Variants in ATXN7L1 observed in about 807,000 individuals in gnomAD.
ATXN7L1 encodes the protein ataxin-7-like protein 1.
A neutral mutation model predicts 70.8 loss-of-function variants in ATXN7L1; 15 were observed. The observed-to-expected ratio is 0.21, with a 90% CI of 0.14 to 0.33. The LOEUF (loss-of-function observed/expected upper bound fraction) is 0.33, where lower values mean the gene tolerates loss of function less well. ATXN7L1 is among the 10% of genes least tolerant of loss of function. The pLI is 1.00. For missense variants in ATXN7L1, 975 were observed against 1,097.1 expected, an observed-to-expected ratio of 0.89 and a Z score of 1.57; for synonymous variants, 440 against 445.1, an observed-to-expected ratio of 0.99 and a Z score of 0.14.
At chr7:105,852,184 C>A (rs1392782083) in intron 2 of ATXN7L1, among the ~76,000 whole-genome samples, 2 of 152,124 alleles carry the variant, frequency 1.3e-5, no homozygotes, top group East Asian at 1.9e-4. Context: ...TTTGCCAGTT[C>A]TTTATTGACA....
At chr7:105,756,044 T>A (rs546387163) in intron 3 of ATXN7L1, among the ~76,000 whole-genome samples, 1 of 152,316 alleles carries the variant, frequency 6.6e-6, no homozygotes, top group African/African-American at 2.4e-5. Context: ...CACGCGTGTA[T>A]CGTCAGAGGC....
chr7:105,752,137 C>T (rs1461574263), intron 3 of ATXN7L1, among the ~76,000 whole-genome samples: 3 of 152,208 alleles, frequency 2.0e-5, no homozygotes, highest in African/African-American at 2.4e-5. Context: ...GACAGGCAGT[C>T]GGGAAGAACA....
chr7:105,820,598 T>C (rs777045403), intron 2 of ATXN7L1, among the ~76,000 whole-genome samples: 51 of 152,072 alleles, frequency 3.4e-4, no homozygotes, highest in Non-Finnish European at 5.9e-4. Context: ...AAGGGCAGGG[T>C]TGGGTTTTTT....
At chr7:105,695,800 AC>A (rs1338773430) in intron 3 of ATXN7L1, among the ~76,000 whole-genome samples, 1 of 152,226 alleles carries the variant, frequency 6.6e-6, no homozygotes, top group African/African-American at 2.4e-5. Flanking sequence ...TGCCAAATGG[AC>A]ACACGCACAG....
chr7:105,750,516 A>G (rs963726043), intron 3 of ATXN7L1, among the ~76,000 whole-genome samples: 1 of 151,824 alleles, frequency 6.6e-6, no homozygotes, highest in Non-Finnish European at 1.5e-5. Flanking sequence ...TTGGCCTCTC[A>G]AAGTGTTGGG....
chr7:105,650,076 T>C (rs1432813198), intron 4 of ATXN7L1, among the ~76,000 whole-genome samples: 6 of 152,232 alleles, frequency 3.9e-5, no homozygotes. Context: ...TTGGCTCTCT[T>C]GGATGTATTT....
chr7:105,635,369 G>A (rs919399689), intron 7 of ATXN7L1, among the ~76,000 whole-genome samples: 3 of 152,234 alleles, frequency 2.0e-5, no homozygotes, highest in African/African-American at 7.2e-5. Context: ...GCAGAAGCAC[G>A]GAGGGCAGGC....
chr7:105,798,265 A>G (rs1806293260), intron 2 of ATXN7L1, among the ~76,000 whole-genome samples: 1 of 152,130 alleles, frequency 6.6e-6, no homozygotes, highest in South Asian at 2.1e-4. Flanking sequence ...TCTGCACTCA[A>G]CAAGGCCCCC....
At chr7:105,697,339 C>A (rs200426179) in intron 3 of ATXN7L1, among the ~76,000 whole-genome samples, 28 of 152,298 alleles carry the variant, frequency 1.8e-4, no homozygotes, top group African/African-American at 6.7e-4. Context: ...AGACCTACCC[C>A]CCTAGGTGCA....
chr7:105,659,738 A>C (rs558567645), intron 4 of ATXN7L1, among the ~76,000 whole-genome samples: 6 of 151,820 alleles, frequency 4.0e-5, no homozygotes, highest in Non-Finnish European at 7.4e-5. Flanking sequence ...TCTTCTTCTC[A>C]CACCATATAC....
intron 3 of ATXN7L1, among the ~76,000 whole-genome samples, chr7:105,721,475 C>T (rs1483918607): frequency 1.3e-5 from 2 of 152,228 alleles, no homozygotes; most frequent in African/African-American, 4.8e-5. Flanking sequence ...ATGCTCTGCG[C>T]AGGCCAGCTG....
intron 2 of ATXN7L1, among the ~76,000 whole-genome samples, chr7:105,820,786 T>C (rs1298261616): frequency 6.6e-6 from 1 of 152,174 alleles, no homozygotes; most frequent in Non-Finnish European, 1.5e-5. Flanking sequence ...CCCTCATGAA[T>C]GGTTTAGCAC....
intron 4 of ATXN7L1, among the ~76,000 whole-genome samples, chr7:105,654,934 G>C (rs1800390515): frequency 6.9e-6 from 1 of 145,762 alleles, no homozygotes; most frequent in Non-Finnish European, 1.5e-5. Context: ...TGTATTTTTA[G>C]TAGAGACAGG....
rs550735967 is a variant in ATXN7L1 at position 105,706,008 on chromosome 7, G to C, written c.356-40720C>G. Among the ~76,000 whole-genome samples the C allele has an allele frequency of 3.3e-5, 5 of 152,306 alleles. No homozygotes were observed. The South Asian group carries it at 1.0e-3, about 32-fold the overall frequency. ...CATAGCAGGCACTCCAAGTGTGTTA[G>C]ATAATAAATGAATAAATCAGGAAAT... On this transcript the variant is annotated intron_variant, in intron 3 of 11. Transcript: ENST00000419735.
At chr7:105,814,614 T>C (rs1808926470) in intron 2 of ATXN7L1, among the ~76,000 whole-genome samples, 1 of 152,186 alleles carries the variant, frequency 6.6e-6, no homozygotes, top group African/African-American at 2.4e-5. Flanking sequence ...TCTTAATTCC[T>C]TCCTCATTAC....
chr7:105,790,502 G>A (rs1037529411), intron 2 of ATXN7L1, among the ~76,000 whole-genome samples: 1 of 152,006 alleles, frequency 6.6e-6, no homozygotes, highest in Admixed American at 6.6e-5. Flanking sequence ...AGTTGCTTGA[G>A]TCCAAGAGGT....
At chr7:105,709,489 C>G (rs552591431) in intron 3 of ATXN7L1, among the ~76,000 whole-genome samples, 1 of 152,104 alleles carries the variant, frequency 6.6e-6, no homozygotes. Flanking sequence ...CCAACCAACC[C>G]GAAGCCCACA....
chr7:105,635,717 G>A (rs1331302922), intron 7 of ATXN7L1, among the ~76,000 whole-genome samples: 1 of 152,130 alleles, frequency 6.6e-6, no homozygotes, highest in Non-Finnish European at 1.5e-5. Context: ...GTAAGAATAT[G>A]AGAACTAAAA....
At chr7:105,631,817 G>T (rs570684885) in intron 7 of ATXN7L1, among the ~76,000 whole-genome samples, 2 of 152,366 alleles carry the variant, frequency 1.3e-5, no homozygotes, top group East Asian at 3.9e-4. Context: ...TGCCAGAGAA[G>T]TTGAACTGGA....
Sources: allele counts gnomAD v4.1 joint callset (sites outside exome capture counted in the v4.1 genomes callset), GRCh38; gene constraint gnomAD v4.1.1; transcripts MANE v1.5; gene names NCBI Gene and HGNC (gene_info 2026-07-23, HGNC 2026-07-21).